The following ELOVL6 variants were observed in gnomAD, a reference collection of about 807,000 sequenced individuals.
ELOVL6 encodes very long chain fatty acid elongase 6.
In ELOVL6, 8 loss-of-function variants were observed where a neutral mutation model predicts 31.7. The observed-to-expected ratio is 0.25, with a 90% confidence interval of 0.15 to 0.45. ELOVL6 has a LOEUF of 0.45. Ranked by LOEUF, ELOVL6 falls within the 20% of genes least tolerant of loss-of-function variation. ELOVL6 has a pLI of 1.00. For missense variants in ELOVL6, 126 were observed against 326.4 expected (o/e 0.39, Z 4.73); for synonymous variants, 101 against 117.7 (o/e 0.86, Z 0.92).
chr4:110,109,482 T>C (rs1756971652), intron 1 of ELOVL6, among the ~76,000 whole-genome samples: 1 of 152,170 alleles, frequency 6.6e-6, no homozygotes, highest in Non-Finnish European at 1.5e-5. Flanking sequence ...AATTATTCCA[T>C]AATTAATAAA....
intron 2 of ELOVL6, among the ~76,000 whole-genome samples, chr4:110,061,350 T>C (rs538010758): frequency 3.0e-4 from 45 of 152,254 alleles, no homozygotes; most frequent in African/African-American, 9.9e-4. Context: ...TTCTCCCCTG[T>C]TCATAACAAA....
chr4:110,159,098 C>G (rs186900376), intron 1 of ELOVL6, among the ~76,000 whole-genome samples: 9 of 152,100 alleles, frequency 5.9e-5, no homozygotes, highest in Non-Finnish European at 1.3e-4. Flanking sequence ...ATAGATTTTT[C>G]TCTCTTTTAC....
chr4:110,096,256 C>T (rs1756576997), intron 2 of ELOVL6, among the ~76,000 whole-genome samples: 1 of 152,188 alleles, frequency 6.6e-6, no homozygotes, highest in Non-Finnish European at 1.5e-5. Context: ...AAACTAAAGA[C>T]TGTCCTGAGC....
intron 2 of ELOVL6, among the ~76,000 whole-genome samples, chr4:110,084,102 GATATATATGATATATATA>G (rs1756036741): frequency 2.6e-5 from 2 of 76,610 alleles, no homozygotes; most frequent in African/African-American, 1.5e-4. Context: ...ACATATATAT[GATATATATGATATATATA>G]ACATATATGT....
At chr4:110,061,707 C>T (rs188170254) in intron 2 of ELOVL6, among the ~76,000 whole-genome samples, 155 of 152,014 alleles carry the variant, frequency 1.0e-3, no homozygotes, top group East Asian at 1.4e-3. Flanking sequence ...CAGGCATGCA[C>T]CACCATGCCA....
chr4:110,070,264 C>T (rs1755430927), intron 2 of ELOVL6, among the ~76,000 whole-genome samples: 1 of 152,100 alleles, frequency 6.6e-6, no homozygotes, highest in Non-Finnish European at 1.5e-5. Flanking sequence ...GAACAAAGTT[C>T]TACCAATAGT....
intron 1 of ELOVL6, among the ~76,000 whole-genome samples, chr4:110,177,049 A>C (rs1361681731): frequency 1.3e-5 from 2 of 152,164 alleles, no homozygotes. Flanking sequence ...GTCATTTAAG[A>C]GTTGGTGTAG....
rs1449767120 is a variant in ELOVL6, at chr4:110,084,046, A to ATATG, written c.221+21450_221+21451insCATA. ...ATATGCCATATATGGTATATAACAC[A>ATATG]TGCTATATATGATATATAACATATA... is the stretch of plus-strand genomic sequence containing the variant. On this transcript the variant is annotated intron_variant, in intron 2 of 3. Coordinates refer to ENST00000302274, the MANE Select transcript of ELOVL6 (RefSeq NM_024090.3). Among the ~76,000 whole-genome samples, 128 of 101,502 alleles carry ATATG rather than the reference A, an allele frequency of 1.3e-3. 8 individuals are homozygous for ATATG. The highest frequency in any genetic ancestry group is 5.8e-3 in the South Asian group (17 of 2,912). 66.6% of individuals were successfully genotyped at this position (101,502 alleles called of 152,430 possible). A position where few individuals can be genotyped will look rare whatever the true frequency, so the allele number is the denominator to read the frequency against.
chr4:110,183,812 T>A (rs1053871138), intron 1 of ELOVL6, among the ~76,000 whole-genome samples: 2 of 152,150 alleles, frequency 1.3e-5, no homozygotes, highest in African/African-American at 4.8e-5. Context: ...GGAAATCCCA[T>A]CTCTACAAAC....
At chr4:110,106,586 A>T (rs186731621) in intron 1 of ELOVL6, among the ~76,000 whole-genome samples, 2 of 152,274 alleles carry the variant, frequency 1.3e-5, no homozygotes, top group Admixed American at 6.5e-5. Context: ...TATAATTAGC[A>T]TATAATAAGC....
At chr4:110,150,869 T>A (rs142045212) in intron 1 of ELOVL6, among the ~76,000 whole-genome samples, 6,036 of 151,998 alleles carry the variant, frequency 0.04, 182 homozygotes, top group East Asian at 0.14. Flanking sequence ...ATGGTGAAAC[T>A]CTGTCTCTAC....
At chr4:110,176,037 TAA>T (rs35412689) in intron 1 of ELOVL6, among the ~76,000 whole-genome samples, 446 of 143,722 alleles carry the variant, frequency 3.1e-3, no homozygotes, top group Non-Finnish European at 3.3e-3. Context: ...AGTGGTGAGT[TAA>T]AAAAAAAAAA....
At chr4:110,125,199 T>C (rs1578499518) in intron 1 of ELOVL6, among the ~76,000 whole-genome samples, 1 of 152,166 alleles carries the variant, frequency 6.6e-6, no homozygotes, top group East Asian at 1.9e-4. Flanking sequence ...AATGCTTCAG[T>C]GAGTTGAGAT....
chr4:110,129,891 A>ATTTTTTT (rs371838858), intron 1 of ELOVL6, among the ~76,000 whole-genome samples: 44 of 93,520 alleles, frequency 4.7e-4, no homozygotes, highest in African/African-American at 1.2e-3. Context: ...ATCCAATCCA[A>ATTTTTTT]TTTTTTTTTT....
intron 2 of ELOVL6, among the ~76,000 whole-genome samples, chr4:110,084,135 A>ATATGATATATATATATCACATATATG (rs1553955997): frequency 1.4e-4 from 5 of 35,300 alleles, no homozygotes; most frequent in East Asian, 2.8e-3. Flanking sequence ...ATATGTGATA[A>ATATGATATATATATATCACATATATG]TGATATATAT....
At chr4:110,087,441 C>G (rs1560817417) in intron 2 of ELOVL6, among the ~76,000 whole-genome samples, 1 of 152,026 alleles carries the variant, frequency 6.6e-6, no homozygotes, top group South Asian at 2.1e-4. Flanking sequence ...ATTCTTGTAC[C>G]CTGACTCACA....
Position 110,090,600 on chromosome 4 carries a change from C to CTTTTTTGTTTTTTTTTTTTTTTTTT in ELOVL6, c.221+14896_221+14897insAAAAAAAAAAAAAAAAAACAAAAAA, listed in dbSNP as rs1553956743. Among the ~76,000 whole-genome samples, 6 of 103,720 alleles carry CTTTTTTGTTTTTTTTTTTTTTTTTT rather than the reference C, an allele frequency of 5.8e-5. 1 individual carries two copies. The highest frequency in any genetic ancestry group is 1.3e-4 in the African/African-American group (3 of 23,394). 68.0% of individuals were successfully genotyped at this position (103,720 alleles called of 152,430 possible). A position where few individuals can be genotyped will look rare whatever the true frequency, so the allele number is the denominator to read the frequency against. On this transcript the variant is annotated intron_variant, in intron 2 of 3. Transcript: ENST00000302274. Reference sequence around the variant, plus strand: ...GGAACTTACAGGAAAGTTTGACTTTCTTTTTTTTTTTTTTTTTTTTCATGA... The same window carrying CTTTTTTGTTTTTTTTTTTTTTTTTT: ...GGAACTTACAGGAAAGTTTGACTTTCTTTTTTGTTTTTTTTTTTTTTTTTTTTTTTTTTTTTTTTTTTTTTCATGA...
At chr4:110,070,831 G>A (rs536735820) in intron 2 of ELOVL6, among the ~76,000 whole-genome samples, 1 of 152,226 alleles carries the variant, frequency 6.6e-6, no homozygotes, top group East Asian at 1.9e-4. Flanking sequence ...GGCCTCCCCA[G>A]CCATGCTTCC....
At chr4:110,110,042 A>T (rs1756989136) in intron 1 of ELOVL6, among the ~76,000 whole-genome samples, 1 of 152,208 alleles carries the variant, frequency 6.6e-6, no homozygotes, top group African/African-American at 2.4e-5. Context: ...TAAGGTGAAG[A>T]GTCTGACGCT....
Sources: gnomAD v4.1 joint callset for allele counts (sites outside exome capture counted in the v4.1 genomes callset) on GRCh38, gnomAD v4.1.1 for gene constraint, MANE v1.5 for transcripts, NCBI Gene and HGNC (gene_info 2026-07-23, HGNC 2026-07-21) for gene names.